Variants in FILIP1 observed in about 807,000 individuals in gnomAD.
The protein encoded by FILIP1 is filamin-A-interacting protein 1.
A neutral mutation model predicts 102.1 loss-of-function variants in FILIP1; 61 were observed. The ratio of observed to expected loss-of-function variants is 0.60; its 90% CI spans 0.49 to 0.74. FILIP1 has a LOEUF of 0.74. Among genes scored for constraint, FILIP1 ranks in the 30% least tolerant of loss-of-function variants. FILIP1 has a pLI of 0.00. For synonymous variants in FILIP1, 491 were observed against 526.9 expected (o/e 0.93, Z 0.93); for missense variants, 1,314 against 1,441.2 (o/e 0.91, Z 1.43).
chr6:75,311,212 T>TGGAGTG (rs1270475285), intron 5 of FILIP1, among the ~76,000 whole-genome samples: 2 of 152,224 alleles, frequency 1.3e-5, no homozygotes, highest in East Asian at 3.8e-4. Flanking sequence ...AGACACGGTC[T>TGGAGTG]CACTCTGTCA....
intron 1 of FILIP1, among the ~76,000 whole-genome samples, chr6:75,480,906 G>A (rs1203099625): frequency 2.6e-5 from 4 of 152,274 alleles, no homozygotes; most frequent in Admixed American, 6.5e-5. Context: ...CATTAAAATT[G>A]TCATGTAAGT....
chr6:75,373,124 A>C (rs1041497059), intron 2 of FILIP1, among the ~76,000 whole-genome samples: 6 of 152,234 alleles, frequency 3.9e-5, no homozygotes, highest in Admixed American at 2.0e-4. Context: ...AAATTTTGAC[A>C]TGTACCATAA....
intron 1 of FILIP1, among the ~76,000 whole-genome samples, chr6:75,477,105 G>A (rs1325744646): frequency 6.6e-6 from 1 of 152,182 alleles, no homozygotes; most frequent in African/African-American, 2.4e-5. Flanking sequence ...AAAGTGCCTT[G>A]ATTTTGTGTA....
intron 4 of FILIP1, among the ~76,000 whole-genome samples, chr6:75,331,612 G>A (rs1370277428): frequency 6.6e-6 from 1 of 151,982 alleles, no homozygotes; most frequent in Non-Finnish European, 1.5e-5. Flanking sequence ...TGCAGTTGTC[G>A]GCCTTCCCAA....
chr6:75,455,285 C>T (rs1778788628), intron 1 of FILIP1: 1 of 152,024 alleles, frequency 6.6e-6, no homozygotes, highest in African/African-American at 2.4e-5. Context: ...CAGAGTGCCA[C>T]TCAACTCCAT....
chr6:75,476,688 T>C (rs966286592), intron 1 of FILIP1, among the ~76,000 whole-genome samples: 3 of 152,232 alleles, frequency 2.0e-5, no homozygotes, highest in Admixed American at 6.5e-5. Context: ...GGACTTTATA[T>C]AATGAAGATT....
chr6:75,491,789 T>C (rs1416588842), intron 1 of FILIP1, among the ~76,000 whole-genome samples: 1 of 152,146 alleles, frequency 6.6e-6, no homozygotes, highest in Non-Finnish European at 1.5e-5. Context: ...TGTACAACAA[T>C]GAAGACAATT....
intron 1 of FILIP1, among the ~76,000 whole-genome samples, chr6:75,460,538 T>C (rs1048592211): frequency 6.6e-6 from 1 of 152,198 alleles, no homozygotes; most frequent in African/African-American, 2.4e-5. Flanking sequence ...GATCAATAAA[T>C]TATTTTACAA....
At chr6:75,453,113 C>A (rs1778692579) in intron 1 of FILIP1, among the ~76,000 whole-genome samples, 2 of 152,216 alleles carry the variant, frequency 1.3e-5, no homozygotes, top group African/African-American at 4.8e-5. Flanking sequence ...TTACCCTAAG[C>A]TGGTCATCTT....
chr6:75,315,140 T>C lies in FILIP1; in HGVS notation c.692A>G (p.Lys231Arg), dbSNP rs139648537. 1,183 of 1,598,416 alleles carry C rather than the reference T, an allele frequency of 7.4e-4. 4 individuals are homozygous for C. The highest frequency in any genetic ancestry group is 2.7e-3 in the Middle Eastern group (16 of 5,978). ...CTCATCTCTTAGTTTATTGAGTCGT[T>C]TAGCATTTTCCTTTTCTTTGCGGGC... ...YQARKEKENA[K>R]RLNKLRDELV... Residue 231 changes from lysine (K) to arginine (R), a missense_variant, in exon 5 of 6, where the codon AAA (lysine) becomes AGA (arginine). Lys to Arg is a conservative substitution (Grantham distance 26). Transcript: ENST00000237172.
At chr6:75,387,403 C>T (rs1463959526) in intron 2 of FILIP1, among the ~76,000 whole-genome samples, 1 of 152,140 alleles carries the variant, frequency 6.6e-6, no homozygotes, top group African/African-American at 2.4e-5. Flanking sequence ...TGGGTATACA[C>T]CCAGTAATGG....
chr6:75,463,499 A>G (rs1779083685), intron 1 of FILIP1, among the ~76,000 whole-genome samples: 1 of 152,218 alleles, frequency 6.6e-6, no homozygotes, highest in African/African-American at 2.4e-5. Context: ...CTCAATTAAG[A>G]AAGCAAATCA....
intron 1 of FILIP1, among the ~76,000 whole-genome samples, chr6:75,442,626 C>A (rs1189237686): frequency 6.6e-6 from 1 of 152,240 alleles, no homozygotes; most frequent in East Asian, 1.9e-4. Context: ...TGGCAGCGCG[C>A]GCCTGCAATC....
intron 2 of FILIP1, among the ~76,000 whole-genome samples, chr6:75,411,544 G>A (rs1202386172): frequency 6.6e-6 from 1 of 152,158 alleles, no homozygotes; most frequent in African/African-American, 2.4e-5. Flanking sequence ...GGCTTTTATG[G>A]TTTTAGGTCT....
chr6:75,359,049 C>T (rs2149608653), intron 3 of FILIP1, among the ~76,000 whole-genome samples: 1 of 151,726 alleles, frequency 6.6e-6, no homozygotes, highest in Non-Finnish European at 1.5e-5. Flanking sequence ...TTCACCCAGG[C>T]TGGAGTGCAG....
At chr6:75,417,057 C>CA (rs1160797622) in intron 1 of FILIP1, among the ~76,000 whole-genome samples, 4 of 151,958 alleles carry the variant, frequency 2.6e-5, no homozygotes, top group Admixed American at 6.6e-5. Flanking sequence ...GGCTTTTACA[C>CA]AAAAAATTCC....
chr6:75,323,756 C>A (rs1030566350), intron 4 of FILIP1, among the ~76,000 whole-genome samples: 3 of 152,180 alleles, frequency 2.0e-5, no homozygotes, highest in Non-Finnish European at 2.9e-5. Flanking sequence ...GGCTCTGTGT[C>A]CCCACCCAAA....
Position 75,341,172 on chromosome 6 carries a change from A to AT in FILIP1, c.629+12366dup, listed in dbSNP as rs1774410411. ...TTTTTGTTTTGTTTTTTTTTTTTGG[A>AT]TTTTTTGAGACAGGGTCTCACTCTG... On this transcript the variant is annotated intron_variant, in intron 4 of 5. Transcript: ENST00000237172. 9.8e-5 allele frequency among the ~76,000 whole-genome samples: 13 copies of AT among 132,810 alleles called. No homozygotes were observed. In the South Asian group the frequency reaches 3.1e-3, roughly 31 times the overall value. 87.1% of individuals were successfully genotyped at this position (132,810 alleles called of 152,430 possible).
chr6:75,329,915 C>A (rs1372739282), intron 4 of FILIP1, among the ~76,000 whole-genome samples: 1 of 152,020 alleles, frequency 6.6e-6, no homozygotes, highest in Admixed American at 6.6e-5. Context: ...CTTTGTGTTA[C>A]CAATGATCCA....
Sources: allele counts gnomAD v4.1 joint callset (sites outside exome capture counted in the v4.1 genomes callset), GRCh38; gene constraint gnomAD v4.1.1; transcripts MANE v1.5; gene names NCBI Gene and HGNC (gene_info 2026-07-23, HGNC 2026-07-21).